The following CYP20A1 variants were observed in gnomAD, a reference collection of about 807,000 sequenced individuals.
CYP20A1 encodes the protein cytochrome P450 family 20 subfamily A member 1.
Under a neutral mutation model 61.4 loss-of-function variants are expected in CYP20A1, and 61 were observed. The observed-to-expected ratio is 0.99, with a 90% CI of 0.81 to 1.23. The LOEUF is 1.23. CYP20A1 is among the 50% of genes most tolerant of loss of function. The pLI, the probability that CYP20A1 is intolerant of heterozygous loss-of-function variation, is 0.00. For synonymous variants in CYP20A1, 193 were observed against 188.2 expected, an observed-to-expected ratio of 1.03 and a Z score of -0.21; for missense variants, 530 against 542.4, an observed-to-expected ratio of 0.98 and a Z score of 0.23.
chr2:203,282,535 G>A (rs1432345247), intron 8 of CYP20A1, among the ~76,000 whole-genome samples: 1 of 152,060 alleles, frequency 6.6e-6, no homozygotes, highest in Non-Finnish European at 1.5e-5. Flanking sequence ...AACCTAATAT[G>A]TCTTTGCTAA....
At position 203,254,071 on chromosome 2, in the gene CYP20A1, C is replaced by T. The variant is rs1399052669; in HGVS notation, c.432+1962C>T. On this transcript the variant is annotated intron_variant, in intron 4 of 12. Coordinates refer to ENST00000356079, the MANE Select transcript of CYP20A1 (RefSeq NM_177538.3). ...CAAGCAATTCTCTGCCTCAGCCTCC[C>T]GAGTAGCTGGGATTACAGGCGCCTG... Among the ~76,000 whole-genome samples, 5 of 151,306 alleles carry T rather than the reference C, an allele frequency of 3.3e-5. No individual in the cohort carries two copies. The East Asian group carries it at 9.9e-4, about 30-fold the overall frequency.
At chr2:203,287,334 A>G (rs950490759) in intron 9 of CYP20A1, among the ~76,000 whole-genome samples, 2 of 151,906 alleles carry the variant, frequency 1.3e-5, no homozygotes, top group Non-Finnish European at 2.9e-5. Flanking sequence ...AAGTAATACT[A>G]GTTGTCTTTT....
intron 8 of CYP20A1, among the ~76,000 whole-genome samples, chr2:203,284,857 C>T (rs1399093205): frequency 1.3e-5 from 2 of 151,076 alleles, no homozygotes; most frequent in African/African-American, 2.4e-5. Context: ...GTGATCATCC[C>T]ATCTCAGTCT....
chr2:203,245,819 C>T, intron 1 of CYP20A1, 27 bp from the exon 2 acceptor site: 2 of 1,474,394 alleles, frequency 1.4e-6, no homozygotes, highest in Admixed American at 1.7e-5. Context: ...TATGATAATT[C>T]ATTATTATAA....
chr2:203,251,793 GTATATA>G lies in CYP20A1; in HGVS notation c.290-155_290-150del, dbSNP rs34020768. Among the ~76,000 whole-genome samples the G allele has an allele frequency of 6.5e-4, 42 of 64,216 alleles. 3 individuals are homozygous for G. The highest frequency in any genetic ancestry group is 1.6e-3 in the African/African-American group (39 of 24,512). The allele number at this position is 64,216 out of a possible 152,430, so 42.1% of individuals were successfully genotyped here. A position where few individuals can be genotyped will look rare whatever the true frequency, so the allele number is the denominator to read the frequency against. ...TCAAAAGAAAACTATATATATATGT[GTATATA>G]TATATATATATATATATAAAAAATA... is the stretch of plus-strand genomic sequence containing the variant. On this transcript the variant is annotated intron_variant, in intron 3 of 12. Transcript: ENST00000356079.
intron 2 of CYP20A1, 43 bp from the exon 3 acceptor site, chr2:203,246,712 C>G: frequency 6.3e-7 from 1 of 1,580,692 alleles, no homozygotes; most frequent in Non-Finnish European, 8.6e-7. Flanking sequence ...CTCATTTTTC[C>G]AAATTAAATT....
At chr2:203,289,690 A>G in intron 9 of CYP20A1, 75 bp from the exon 10 acceptor site, 1 of 664,944 alleles carries the variant, frequency 1.5e-6, no homozygotes, top group Non-Finnish European at 2.5e-6. Flanking sequence ...TTGTTGAAGA[A>G]CGTTTTTTAA....
chr2:203,258,003 G>GTGCAGTGGCACACTTATAGCTCACC, intron 4 of CYP20A1, among the ~76,000 whole-genome samples: 1 of 151,450 alleles, frequency 6.6e-6, no homozygotes, highest in Non-Finnish European at 1.5e-5. Context: ...CTGGGCTGAA[G>GTGCAGTGGCACACTTATAGCTCACC]GGATCCTCCT....
Position 203,239,091 on chromosome 2 carries a change from C to T in CYP20A1, c.29C>T (p.Thr10Ile). The T allele has an allele frequency of 6.2e-7, 1 of 1,613,744 alleles. No individual in the cohort carries two copies. Among genetic ancestry groups the T allele is most frequent in the Non-Finnish European group, 8.5e-7 (1 of 1,179,850 alleles). The change falls in exon 1 of 13, where the codon ACC becomes ATC. Residue 10 changes from threonine (T) to isoleucine (I), a missense_variant. Coordinates refer to ENST00000356079, the MANE Select transcript of CYP20A1 (RefSeq NM_177538.3). Reference sequence around the variant, plus strand: ...TTGGACTTCGCGATCTTCGCCGTTACCTTCTTGCTGGCGTTGGTGGGAGCC... The same window carrying T: ...TTGGACTTCGCGATCTTCGCCGTTATCTTCTTGCTGGCGTTGGTGGGAGCC... MLDFAIFAV[T>I]FLLALVGAVL...
At chr2:203,296,591 C>A in intron 12 of CYP20A1, 28 bp downstream of exon 12, 1 of 1,549,800 alleles carries the variant, frequency 6.5e-7, no homozygotes, top group South Asian at 1.2e-5. Context: ...AGACTCTGTT[C>A]TTAGAATTTT....
At chr2:203,282,702 C>T (rs1028300656) in intron 8 of CYP20A1, among the ~76,000 whole-genome samples, 4 of 151,850 alleles carry the variant, frequency 2.6e-5, no homozygotes, top group African/African-American at 9.7e-5. Flanking sequence ...TTTAAGTCTC[C>T]TCCGAAGTTT....
chr2:203,251,815 A>ATATATGTATATATATATATATATATG (rs377306363), intron 3 of CYP20A1, 152 bp from the exon 4 acceptor site: 1 of 89,476 alleles, frequency 1.1e-5, no homozygotes, highest in Non-Finnish European at 2.7e-5. Flanking sequence ...ATATATATAT[A>ATATATGTATATATATATATATATATG]TAAAAAATAA....
intron 3 of CYP20A1, 62 bp from the exon 4 acceptor site, chr2:203,251,905 C>G (rs1358127816): frequency 7.4e-7 from 1 of 1,344,748 alleles, no homozygotes; most frequent in Non-Finnish European, 9.9e-7. Flanking sequence ...CTCTTGTTCT[C>G]TTACAGGGTA....
chr2:203,291,057 A>G (rs1174433956), intron 10 of CYP20A1, among the ~76,000 whole-genome samples: 1 of 152,116 alleles, frequency 6.6e-6, no homozygotes, highest in Non-Finnish European at 1.5e-5. Context: ...TTTTTGTGTC[A>G]AAGTCCATGT....
chr2:203,247,452 T>C (rs1471040642), intron 3 of CYP20A1, among the ~76,000 whole-genome samples: 2 of 152,072 alleles, frequency 1.3e-5, no homozygotes, highest in Non-Finnish European at 2.9e-5. Context: ...TATGATAAAA[T>C]CTCAGTGTAA....
In CYP20A1 at chr2:203,256,909, A is replaced by G. The variant is rs549280337; in HGVS notation, c.432+4800A>G. On this transcript the variant is annotated intron_variant, in intron 4 of 12. Transcript: ENST00000356079. ...TCTGAAACATTTTTCCCAGCCTTGC[A>G]TGGCTAACTTCTACTCCAGCCTCCA... Among the ~76,000 whole-genome samples, 5 of 152,250 alleles carry G rather than the reference A, an allele frequency of 3.3e-5. No homozygotes were observed. The South Asian group carries it at 8.3e-4, about 25-fold the overall frequency.
At chr2:203,264,882 A>C (rs1448933149) in intron 4 of CYP20A1, among the ~76,000 whole-genome samples, 1 of 151,912 alleles carries the variant, frequency 6.6e-6, no homozygotes, top group Non-Finnish European at 1.5e-5. Flanking sequence ...GATGCTTGCC[A>C]CCACACCCGG....
chr2:203,296,536 C>T lies in CYP20A1; in HGVS notation c.1211C>T (p.Ser404Leu). 6.2e-7 allele frequency: 1 copy of T among 1,612,242 alleles called. No homozygotes were observed. The highest frequency in any genetic ancestry group is 8.5e-7 in the Non-Finnish European group (1 of 1,178,874). The change falls in exon 12 of 13, where the codon TCA (serine) becomes TTA (leucine). Residue 404 changes from serine (S) to leucine (L), a missense_variant. By Grantham distance (145) the Ser-to-Leu change is moderately radical. Transcript: ENST00000356079. ...AAAACTTTTTCCTCACTTGGATTCT[C>T]AGGCACACAGGAGTGTCCAGAGTTG... ...VMKTFSSLGF[S>L]GTQECPELRF...
At chr2:203,295,220 C>A (rs1411103503) in intron 11 of CYP20A1, among the ~76,000 whole-genome samples, 1 of 151,804 alleles carries the variant, frequency 6.6e-6, no homozygotes, top group African/African-American at 2.4e-5. Context: ...GCTGGGATTA[C>A]AGGCGTGAGC....
Sources: gnomAD v4.1 joint callset for allele counts (sites outside exome capture counted in the v4.1 genomes callset) on GRCh38, gnomAD v4.1.1 for gene constraint, MANE v1.5 for transcripts, NCBI Gene and HGNC (gene_info 2026-07-23, HGNC 2026-07-21) for gene names.